Variants in ZNF784 observed in about 807,000 individuals in gnomAD.
ZNF784 encodes zinc finger protein 784.
ZNF784 carries 5 observed loss-of-function variants against 3.3 expected under a neutral mutation model. The observed-to-expected ratio is 1.53, with a 90% confidence interval of 0.80 to 3.22. ZNF784 has a LOEUF of 3.22. Ranked by LOEUF, ZNF784 falls within the 30% of genes most tolerant of loss-of-function variation. The pLI is 0.00. For synonymous variants in ZNF784, 231 were observed against 219.6 expected (o/e 1.05, Z -0.46); for missense variants, 501 against 480.7 (o/e 1.04, Z -0.39).
chr19:55,621,328 A>G lies in ZNF784; in HGVS notation c.*423T>C, dbSNP rs958444647. ...CATCCTGGTCCACCCGTGGAGGACC[A>G]GAGCAGAAGACTATGGTGGACCCCA... On this transcript the variant is annotated 3_prime_UTR_variant, in exon 2 of 2. Coordinates refer to ENST00000325351, the MANE Select transcript of ZNF784 (RefSeq NM_203374.2). This position sits in a 1 kb window ranked among gnomAD's most constrained non-coding sequence, Gnocchi z 4.1. The G allele has an allele frequency of 2.0e-5, 5 of 253,710 alleles. No homozygotes were observed. The Admixed American group carries it at 2.0e-4, about 10-fold the overall frequency. The allele number at this position is 253,710 out of a possible 1,614,324, so 15.7% of individuals were successfully genotyped here.
chr19:55,621,653 C>T lies in ZNF784; in HGVS notation c.*98G>A, dbSNP rs1247757799. On this transcript the variant is annotated 3_prime_UTR_variant, in exon 2 of 2. Transcript: ENST00000325351. The surrounding 1 kb of genome is among the most constrained non-coding windows in gnomAD (Gnocchi z 4.1). ...CAGCTGTCATCTCTCCCCCAATCTC[C>T]CCTCTTCTGTCCCCTGCCTCCGTTT... 2.1e-6 allele frequency: 3 copies of T among 1,445,018 alleles called. No individual in the cohort carries two copies. In the African/African-American group the frequency reaches 4.1e-5, roughly 20 times the overall value. 89.5% of individuals were successfully genotyped at this position (1,445,018 alleles called of 1,614,324 possible).
chr19:55,621,836 C>T lies in ZNF784; in HGVS notation c.887G>A (p.Gly296Glu). Residue 296 changes from glycine to glutamate, a missense_variant, in exon 2 of 2, where the codon GGG becomes GAG. Physicochemically the swap from Gly to Glu is moderately conservative, Grantham distance 98. Coordinates refer to ENST00000325351, the MANE Select transcript of ZNF784 (RefSeq NM_203374.2). This position sits in a 1 kb window ranked among gnomAD's most constrained non-coding sequence, Gnocchi z 4.1. ...CCCTACCCCACACCCGCTCCCCGAC[C>T]CCTCAGCCGCCGACGAGCCCAGCTG... ...GGQLGSSAAE[G>E]SGSGCGVGDP... 6.3e-7 allele frequency: 1 copy of T among 1,584,808 alleles called. No homozygotes were observed. Among genetic ancestry groups the T allele is most frequent in the Non-Finnish European group, 8.5e-7 (1 of 1,173,758 alleles).
chr19:55,622,316 C>CG lies in ZNF784; in HGVS notation c.406dup (p.Arg136ProfsTer105). On this transcript the variant is annotated frameshift_variant, in exon 2 of 2. Coordinates refer to ENST00000325351, the MANE Select transcript of ZNF784 (RefSeq NM_203374.2). LOFTEE classifies it low-confidence loss of function (END_TRUNC). This position sits in a 1 kb window ranked among gnomAD's most constrained non-coding sequence, Gnocchi z 5.9. ...CAGGGGCGCCAAGGCCTTGAAGGCG[C>CG]GGGGGCAGAGCGCGCAGCGGTAGGG... The CG allele has an allele frequency of 6.6e-7, 1 of 1,515,290 alleles. No homozygotes were observed. The highest frequency in any genetic ancestry group is 2.4e-5 in the East Asian group (1 of 40,856). 93.9% of individuals were successfully genotyped at this position (1,515,290 alleles called of 1,614,324 possible). A position where few individuals can be genotyped will look rare whatever the true frequency, so the allele number is the denominator to read the frequency against.
intron 1 of ZNF784, 100 bp downstream of exon 1, chr19:55,624,384 C>T (rs1441698554): frequency 2.7e-6 from 3 of 1,098,028 alleles, no homozygotes; most frequent in East Asian, 5.8e-5. Context: ...TAAATACCTC[C>T]CTCGCCCACC....
rs532645464 is a variant in ZNF784 at position 55,622,772 on chromosome 19, G to A, written c.79-128C>T. On this transcript the variant is annotated intron_variant, in intron 1 of 1. Transcript: ENST00000325351. The surrounding 1 kb of genome is among the most constrained non-coding windows in gnomAD (Gnocchi z 5.9). ...GGGCCTCACTCTGTTGCCCTGGCGC[G>A]ATCGTGGCTCATTGCAACCTTGACC... 7.1e-6 allele frequency: 6 copies of A among 846,896 alleles called. No individual in the cohort carries two copies. In the East Asian group the frequency reaches 9.2e-5, roughly 13 times the overall value. The allele number at this position is 846,896 out of a possible 1,614,324, so 52.5% of individuals were successfully genotyped here.
In ZNF784 at chr19:55,622,424, G is replaced by C. The variant is rs775547967; in HGVS notation, c.299C>G (p.Pro100Arg). Residue 100 changes from proline to arginine, a missense_variant, in exon 2 of 2, where the codon CCG (proline) becomes CGG (arginine). Pro to Arg is a moderately radical substitution (Grantham distance 103). Transcript: ENST00000325351. This position sits in a 1 kb window ranked among gnomAD's most constrained non-coding sequence, Gnocchi z 5.9. ...GTGGCCGCACACGTGGCACCGGCTC[G>C]GGTCCCCACCCTGCCCGCCTCCCTC... ...GAEGGGQGGDPSRCHVCGHSC... is the reference protein window; with the variant it reads ...GAEGGGQGGDRSRCHVCGHSC... 18 of 1,575,430 alleles carry C rather than the reference G, an allele frequency of 1.1e-5. No individual in the cohort carries two copies. Among genetic ancestry groups the C allele is most frequent in the Admixed American group, 7.3e-5 (4 of 54,436 alleles).
Position 55,622,624 on chromosome 19 carries a change from G to C in ZNF784, c.99C>G (p.Cys33Trp), listed in dbSNP as rs748868366. 4 of 1,562,198 alleles carry C rather than the reference G, an allele frequency of 2.6e-6. No homozygotes were observed. The East Asian group carries it at 6.9e-5, about 27-fold the overall frequency. ...PLDLVLVPDD[C>W]RPGTPPSDLI... ...GGTCACTCGGGGGTGTGCCAGGCCG[G>C]CAGTCATCAGGCACCAGGACCTGGG... The change falls in exon 2 of 2, where the codon TGC becomes TGG. Residue 33 changes from cysteine to tryptophan, a missense_variant. Coordinates refer to ENST00000325351, the MANE Select transcript of ZNF784 (RefSeq NM_203374.2). This position sits in a 1 kb window ranked among gnomAD's most constrained non-coding sequence, Gnocchi z 5.9.
Position 55,624,551 on chromosome 19 carries a change from G to T in ZNF784, c.11C>A (p.Ala4Glu), listed in dbSNP as rs1227452361. Reference sequence around the variant, plus strand: ...GCTCCGACTCTGGGCCTCTGGGCGCGCAGCGGCCATCTTGTGCCCAAGCCC... The same window carrying T: ...GCTCCGACTCTGGGCCTCTGGGCGCTCAGCGGCCATCTTGTGCCCAAGCCC... MAA[A>E]RPEAQSRSSP... is the part of the protein sequence containing the mutation. The change falls in exon 1 of 2, where the codon GCG becomes GAG. Residue 4 changes from alanine (A) to glutamate (E), a missense_variant. Transcript: ENST00000325351. The T allele has an allele frequency of 6.3e-7, 1 of 1,591,458 alleles. No individual in the cohort carries two copies. Among genetic ancestry groups the T allele is most frequent in the Non-Finnish European group, 8.5e-7 (1 of 1,170,180 alleles).
rs149288612 is a variant in ZNF784 at position 55,624,540 on chromosome 19, C to A, written c.22G>T (p.Ala8Ser). The A allele has an allele frequency of 1.5e-4, 245 of 1,599,112 alleles. No homozygotes were observed. The African/African-American group carries it at 2.9e-3, about 19-fold the overall frequency. Residue 8 changes from alanine (A) to serine (S), a missense_variant, in exon 1 of 2, where the codon GCC (alanine) becomes TCC (serine). By Grantham distance (99) the Ala-to-Ser change is moderately conservative. Coordinates refer to ENST00000325351, the MANE Select transcript of ZNF784 (RefSeq NM_203374.2). Reference sequence around the variant, plus strand: ...GGAGTCGGTGAGCTCCGACTCTGGGCCTCTGGGCGCGCAGCGGCCATCTTG... The same window carrying A: ...GGAGTCGGTGAGCTCCGACTCTGGGACTCTGGGCGCGCAGCGGCCATCTTG... MAAARPE[A>S]QSRSSPTPES...
chr19:55,622,187 G>C lies in ZNF784; in HGVS notation c.536C>G (p.Ala179Gly). Reference protein sequence around the residue: ...EQRPGVAPERAEVVMAAAAAG... With the variant: ...EQRPGVAPERGEVVMAAAAAG... ...CGCCGCCGCCGCCATCACCACCTCC[G>C]CCCTCTCCGGGGCCACCCCGGGCCT... The change falls in exon 2 of 2, where the codon GCG becomes GGG. Residue 179 changes from alanine to glycine, a missense_variant. Ala to Gly is a moderately conservative substitution (Grantham distance 60). Transcript: ENST00000325351. This position sits in a 1 kb window ranked among gnomAD's most constrained non-coding sequence, Gnocchi z 5.9. 2 of 1,533,684 alleles carry C rather than the reference G, an allele frequency of 1.3e-6. No individual in the cohort carries two copies. The highest frequency in any genetic ancestry group is 2.7e-5 in the African/African-American group (2 of 73,046).
rs202050969 is a variant in ZNF784 at position 55,621,742 on chromosome 19, G to C, written c.*9C>G. The C allele has an allele frequency of 6.1e-4, 971 of 1,596,974 alleles. 5 individuals are homozygous for C. The African/African-American group carries it at 0.012, about 19-fold the overall frequency. On this transcript the variant is annotated 3_prime_UTR_variant, in exon 2 of 2. Transcript: ENST00000325351. This position sits in a 1 kb window ranked among gnomAD's most constrained non-coding sequence, Gnocchi z 4.1. ...CCGCCTTAACTAACCCATGTCCCTGGTCTGCAGCCTACTGGTCGGCCTCCA... is the reference window on the plus strand; with the variant it reads ...CCGCCTTAACTAACCCATGTCCCTGCTCTGCAGCCTACTGGTCGGCCTCCA...
rs759886516 is a variant in ZNF784, at chr19:55,622,010, A to G, written c.713T>C (p.Val238Ala). 6.3e-7 allele frequency: 1 copy of G among 1,593,666 alleles called. No individual in the cohort carries two copies. Among genetic ancestry groups the G allele is most frequent in the African/African-American group, 1.3e-5 (1 of 74,750 alleles). Residue 238 changes from valine to alanine, a missense_variant, in exon 2 of 2, where the codon GTG becomes GCG. Val to Ala is a moderately conservative substitution (Grantham distance 64, BLOSUM62 0). Transcript: ENST00000325351. This position sits in a 1 kb window ranked among gnomAD's most constrained non-coding sequence, Gnocchi z 5.9. ...ICGKGFTQSS[V>A]LSGHARIHTG... ...GTGGATGCGGGCGTGGCCGCTAAGC[A>G]CCGAGGACTGGGTGAAGCCCTTGCC...
At position 55,621,695 on chromosome 19, in the gene ZNF784, T is replaced by G; in HGVS notation, c.*56A>C. The G allele has an allele frequency of 8.0e-5, 58 of 724,278 alleles. No individual in the cohort carries two copies. The highest frequency in any genetic ancestry group is 2.0e-4 in the East Asian group (4 of 20,434). The allele number at this position is 724,278 out of a possible 1,614,324, so 44.9% of individuals were successfully genotyped here. ...CCTCCGTTTCCCCACCCCGTCCCCC[T>G]CCCCGGGTCGGCCTCGTACCTCCGC... On this transcript the variant is annotated 3_prime_UTR_variant, in exon 2 of 2. Coordinates refer to ENST00000325351, the MANE Select transcript of ZNF784 (RefSeq NM_203374.2). The surrounding 1 kb of genome is among the most constrained non-coding windows in gnomAD (Gnocchi z 4.1).
In ZNF784 at chr19:55,622,501, G is replaced by T; in HGVS notation, c.222C>A (p.Phe74Leu). Residue 74 changes from phenylalanine to leucine, a missense_variant, in exon 2 of 2, where the codon TTC (phenylalanine) becomes TTA (leucine). By Grantham distance (22) the Phe-to-Leu change is conservative. Transcript: ENST00000325351. The surrounding 1 kb of genome is among the most constrained non-coding windows in gnomAD (Gnocchi z 5.9). Reference sequence around the variant, plus strand: ...GGAACAGCAGCTCGGAAACCAGCCGGAAGGCAGCAGGGCACAAGGCACAGT... The same window carrying T: ...GGAACAGCAGCTCGGAAACCAGCCGTAAGGCAGCAGGGCACAAGGCACAGT... Reference protein sequence around the residue: ...SFHCALCPAAFRLVSELLFHE... With the variant: ...SFHCALCPAALRLVSELLFHE... 2 of 1,613,016 alleles carry T rather than the reference G, an allele frequency of 1.2e-6. No homozygotes were observed. Among genetic ancestry groups the T allele is most frequent in the Non-Finnish European group, 1.7e-6 (2 of 1,179,872 alleles).
intron 1 of ZNF784, among the ~76,000 whole-genome samples, chr19:55,623,062 G>T (rs547578733): frequency 6.6e-6 from 1 of 152,286 alleles, no homozygotes; most frequent in African/African-American, 2.4e-5. Context: ...TGTAATCCCA[G>T]CTACTCGGGA....
chr19:55,624,533 C>T lies in ZNF784; in HGVS notation c.29G>A (p.Ser10Asn). The T allele has an allele frequency of 1.3e-6, 2 of 1,600,000 alleles. No homozygotes were observed. The highest frequency in any genetic ancestry group is 2.3e-5 in the South Asian group (2 of 88,776). The change falls in exon 1 of 2, where the codon AGT (serine) becomes AAT (asparagine). Residue 10 changes from serine (S) to asparagine (N), a missense_variant. By Grantham distance (46) the Ser-to-Asn change is conservative (BLOSUM62 1). Coordinates refer to ENST00000325351, the MANE Select transcript of ZNF784 (RefSeq NM_203374.2). ...CGACTCCGGAGTCGGTGAGCTCCGA[C>T]TCTGGGCCTCTGGGCGCGCAGCGGC... Reference protein sequence around the residue: MAAARPEAQSRSSPTPESRS... With the variant: MAAARPEAQNRSSPTPESRS...
At position 55,622,887 on chromosome 19, in the gene ZNF784, T is replaced by A. The variant is rs750789349; in HGVS notation, c.79-243A>T. Among the ~76,000 whole-genome samples the A allele has an allele frequency of 1.3e-5, 2 of 151,552 alleles. No individual in the cohort carries two copies. The highest frequency in any genetic ancestry group is 2.1e-4 in the South Asian group (1 of 4,720). ...CCACATCCAGCTAGTTAAAAAAAAA[T>A]TATTTCTGGCTGGGCACGGTGGCTC... On this transcript the variant is annotated intron_variant, in intron 1 of 1. Coordinates refer to ENST00000325351, the MANE Select transcript of ZNF784 (RefSeq NM_203374.2). The surrounding 1 kb of genome is among the most constrained non-coding windows in gnomAD (Gnocchi z 5.9).
Position 55,622,144 on chromosome 19 carries a change from C to CCCCACCGCTGCG in ZNF784, c.567_578dup (p.Ala190_Gly193dup), listed in dbSNP as rs1485171395. On this transcript the variant is annotated inframe_insertion, in exon 2 of 2. Coordinates refer to ENST00000325351, the MANE Select transcript of ZNF784 (RefSeq NM_203374.2). The surrounding 1 kb of genome is among the most constrained non-coding windows in gnomAD (Gnocchi z 5.9). Reference sequence around the variant, plus strand: ...CGCAGAACCTGCAGGCAAAAGGCTTCCCCACCGCTGCGCCCGCCGCCGCCG... The same window carrying CCCCACCGCTGCG: ...CGCAGAACCTGCAGGCAAAAGGCTTCCCCACCGCTGCGCCCACCGCTGCGCCCGCCGCCGCCG... 2.0e-5 allele frequency: 30 copies of CCCCACCGCTGCG among 1,537,162 alleles called. No individual in the cohort carries two copies. The highest frequency in any genetic ancestry group is 2.6e-5 in the Non-Finnish European group (30 of 1,147,362).
chr19:55,621,493 C>T lies in ZNF784; in HGVS notation c.*258G>A, dbSNP rs1049635671. On this transcript the variant is annotated 3_prime_UTR_variant, in exon 2 of 2. Coordinates refer to ENST00000325351, the MANE Select transcript of ZNF784 (RefSeq NM_203374.2). The surrounding 1 kb of genome is among the most constrained non-coding windows in gnomAD (Gnocchi z 4.1). ...CCAGCCCGTGGGCCTTGCCTTTGGC[C>T]GCACACCCGCAGAGCTGCAAGAGCT... is the stretch of plus-strand genomic sequence containing the variant. 2.6e-5 allele frequency: 15 copies of T among 586,622 alleles called. No individual in the cohort carries two copies. The Admixed American group carries it at 3.7e-4, about 15-fold the overall frequency. 36.3% of individuals were successfully genotyped at this position (586,622 alleles called of 1,614,324 possible).
Sources: gnomAD v4.1 joint callset for allele counts (sites outside exome capture counted in the v4.1 genomes callset) on GRCh38, gnomAD v4.1.1 for gene constraint, Gnocchi (gnomAD v3.1) non-coding constraint, MANE v1.5 for transcripts, NCBI Gene and HGNC (gene_info 2026-07-23, HGNC 2026-07-21) for gene names.